LIX1L: variants seen among roughly 807,000 people sequenced by gnomAD.
The protein encoded by LIX1L is limb and CNS expressed 1 like.
In LIX1L, 20 loss-of-function variants were observed where a neutral mutation model predicts 34.0. The ratio of observed to expected loss-of-function variants is 0.59; its 90% CI spans 0.41 to 0.85. The LOEUF (loss-of-function observed/expected upper bound fraction) is 0.85, where lower values mean the gene tolerates loss of function less well. Ranked by LOEUF, LIX1L falls within the 40% of genes least tolerant of loss-of-function variation. The probability of loss-of-function intolerance (pLI) is 0.00; values close to 1 mark genes in which losing one functional copy is unlikely to be tolerated. For synonymous variants in LIX1L, 170 were observed against 187.4 expected, an observed-to-expected ratio of 0.91 and a Z score of 0.76; for missense variants, 397 against 447.0, an observed-to-expected ratio of 0.89 and a Z score of 1.01.
intron 1 of LIX1L, 29 bp downstream of exon 1, chr1:145,957,607 C>A: frequency 2.0e-6 from 3 of 1,478,632 alleles, no homozygotes; most frequent in East Asian, 2.7e-5. Context: ...CAGAGGGTGT[C>A]GCGCAGGAGG....
rs782259053 is a variant in LIX1L, at chr1:145,936,305, G to C, written c.*5C>G. The C allele has an allele frequency of 6.2e-7, 1 of 1,613,682 alleles. No homozygotes were observed. Among genetic ancestry groups the C allele is most frequent in the African/African-American group, 1.3e-5 (1 of 75,030 alleles). On this transcript the variant is annotated 3_prime_UTR_variant, in exon 6 of 6. Coordinates refer to ENST00000604000, the MANE Select transcript of LIX1L (RefSeq NM_153713.3). ...GAAAGCCTGGGGAGTTATGTGGGTG[G>C]ATGCCTAGCAGTTGGAAGAATGCAT...
intron 3 of LIX1L, among the ~76,000 whole-genome samples, chr1:145,938,117 G>T (rs1367370857): frequency 6.8e-6 from 1 of 146,606 alleles, no homozygotes; most frequent in African/African-American, 2.6e-5. Flanking sequence ...GTGAGACTCT[G>T]TCTCAGAAAA....
Position 145,935,856 on chromosome 1 carries a change from G to A in LIX1L, c.*454C>T, listed in dbSNP as rs587739858. The A allele has an allele frequency of 1.2e-5, 2 of 166,654 alleles. No homozygotes were observed. Among genetic ancestry groups the A allele is most frequent in the South Asian group, 3.2e-4 (2 of 6,232 alleles). The allele number at this position is 166,654 out of a possible 1,614,324, so 10.3% of individuals were successfully genotyped here. A position where few individuals can be genotyped will look rare whatever the true frequency, so the allele number is the denominator to read the frequency against. On this transcript the variant is annotated 3_prime_UTR_variant, in exon 6 of 6. Transcript: ENST00000604000. ...GTGGGGAGGAAAGGGATAGCAAGCA[G>A]GTTCAGTTCAGGAACTAAAGGCAAA...
At position 145,934,528 on chromosome 1, in the gene LIX1L, A is replaced by G. The variant is rs781941523; in HGVS notation, c.*1782T>C. 2 of 132,780 alleles carry G rather than the reference A, an allele frequency of 1.5e-5. No homozygotes were observed. Among genetic ancestry groups the G allele is most frequent in the Admixed American group, 7.8e-5 (1 of 12,800 alleles). The allele number at this position is 132,780 out of a possible 1,614,324, so 8.2% of individuals were successfully genotyped here. On this transcript the variant is annotated 3_prime_UTR_variant, in exon 6 of 6. Coordinates refer to ENST00000604000, the MANE Select transcript of LIX1L (RefSeq NM_153713.3). ...GGCGGAGCTTGCAGTGAGCCGAGAT[A>G]GCGCCACTGCACTCCAGCCTGGGCG...
chr1:145,936,670 G>A (rs1478364261), intron 5 of LIX1L, 118 bp from the exon 6 acceptor site: 3 of 1,241,804 alleles, frequency 2.4e-6, no homozygotes, highest in Non-Finnish European at 3.4e-6. Context: ...CAGCACCTAA[G>A]TTCTTCAAGG....
intron 3 of LIX1L, chr1:145,941,124 G>C (rs1049008141): frequency 6.6e-6 from 1 of 152,044 alleles, no homozygotes; most frequent in African/African-American, 2.4e-5. Context: ...GCTGTTGACT[G>C]GGGCAAAGAA....
At chr1:145,937,170 A>AC (rs1559237541) in intron 4 of LIX1L, among the ~76,000 whole-genome samples, 185 bp from the exon 5 acceptor site, 37 of 139,408 alleles carry the variant, frequency 2.7e-4, no homozygotes, top group South Asian at 1.6e-3. Flanking sequence ...TTATTTATTT[A>AC]TTTACTTACT....
At chr1:145,939,665 G>T (rs1648818917) in intron 3 of LIX1L, among the ~76,000 whole-genome samples, 1 of 146,428 alleles carries the variant, frequency 6.8e-6, no homozygotes, top group African/African-American at 2.5e-5. Context: ...TTGAGACAGG[G>T]TCTCACTTTG....
At chr1:145,946,937 C>CT (rs1553759326) in intron 2 of LIX1L, among the ~76,000 whole-genome samples, 5 of 152,190 alleles carry the variant, frequency 3.3e-5, no homozygotes, top group Non-Finnish European at 7.3e-5. Flanking sequence ...TGTAAAAAAT[C>CT]CATCTTTGAT....
intron 3 of LIX1L, among the ~76,000 whole-genome samples, chr1:145,940,466 C>T (rs587754967): frequency 6.6e-5 from 10 of 151,498 alleles, no homozygotes; most frequent in African/African-American, 2.4e-4. Flanking sequence ...CATTCTTCAG[C>T]CTCCTGAGTA....
intron 2 of LIX1L, among the ~76,000 whole-genome samples, chr1:145,943,463 C>G (rs1319292046): frequency 2.0e-5 from 3 of 152,038 alleles, no homozygotes; most frequent in African/African-American, 7.2e-5. Context: ...TTCTTTTTTC[C>G]CCACAGTGGA....
Position 145,936,114 on chromosome 1 carries a change from A to G in LIX1L, c.*196T>C. The G allele has an allele frequency of 1.6e-6, 1 of 626,728 alleles. No individual in the cohort carries two copies. Among genetic ancestry groups the G allele is most frequent in the Non-Finnish European group, 2.6e-6 (1 of 378,962 alleles). The allele number at this position is 626,728 out of a possible 1,614,324, so 38.8% of individuals were successfully genotyped here. On this transcript the variant is annotated 3_prime_UTR_variant, in exon 6 of 6. Coordinates refer to ENST00000604000, the MANE Select transcript of LIX1L (RefSeq NM_153713.3). ...TGTAAAGTGGACTGAAGATGTTTCA[A>G]ATAAAACTACATCCAAAAACTGGTA...
chr1:145,952,326 G>A (rs979520376), intron 1 of LIX1L, among the ~76,000 whole-genome samples: 3 of 152,116 alleles, frequency 2.0e-5, no homozygotes, highest in African/African-American at 7.2e-5. Flanking sequence ...CCCAAATTTT[G>A]TATCATATTT....
chr1:145,936,990 G>T lies in LIX1L; in HGVS notation c.694-5C>A. 2 of 1,604,450 alleles carry T rather than the reference G, an allele frequency of 1.2e-6. No homozygotes were observed. Among genetic ancestry groups the T allele is most frequent in the Non-Finnish European group, 1.7e-6 (2 of 1,171,244 alleles). On this transcript the variant is annotated splice_polypyrimidine_tract_variant and splice_region_variant and intron_variant, in intron 4 of 5. Coordinates refer to ENST00000604000, the MANE Select transcript of LIX1L (RefSeq NM_153713.3). ...TTGAAAAACTGTCATTAGCTCCTGG[G>T]GGAAGAGGATAGGAAGTACCAGGAC...
chr1:145,955,893 G>A (rs189499063), intron 1 of LIX1L, among the ~76,000 whole-genome samples: 8 of 152,238 alleles, frequency 5.3e-5, no homozygotes, highest in Non-Finnish European at 1.5e-5. Context: ...GTCCAGTTTG[G>A]GAGCCAAAGC....
intron 1 of LIX1L, among the ~76,000 whole-genome samples, chr1:145,957,180 G>A (rs1553760453): frequency 2.0e-5 from 3 of 152,196 alleles, no homozygotes; most frequent in African/African-American, 4.8e-5. Context: ...GAATTTAACA[G>A]TCAAGGTTAA....
chr1:145,936,984 T>G lies in LIX1L; in HGVS notation c.695A>C (p.Glu232Ala). 6.2e-7 allele frequency: 1 copy of G among 1,609,228 alleles called. No homozygotes were observed. Among genetic ancestry groups the G allele is most frequent in the Non-Finnish European group, 8.5e-7 (1 of 1,175,632 alleles). The change falls in exon 5 of 6, where the codon GAG becomes GCG. Residue 232 changes from glutamate (E) to alanine (A), a missense_variant and splice_region_variant. Physicochemically the swap from Glu to Ala is moderately radical, Grantham distance 107. Coordinates refer to ENST00000604000, the MANE Select transcript of LIX1L (RefSeq NM_153713.3). ...TAGCAGTTGAAAAACTGTCATTAGC[T>G]CCTGGGGGAAGAGGATAGGAAGTAC... ...NKGKSMLEFQ[E>A]LMTVFQLLHW... is the part of the protein sequence containing the mutation.
chr1:145,945,245 G>A (rs1553759098), intron 2 of LIX1L, among the ~76,000 whole-genome samples: 1 of 143,832 alleles, frequency 7.0e-6, no homozygotes, highest in African/African-American at 2.6e-5. Context: ...AGGTTACAGT[G>A]AGTCAAGATC....
At chr1:145,956,996 T>C (rs1019654693) in intron 1 of LIX1L, among the ~76,000 whole-genome samples, 2 of 152,138 alleles carry the variant, frequency 1.3e-5, no homozygotes, top group Non-Finnish European at 2.9e-5. Context: ...TGAGTCTCCA[T>C]ACTAAAAAAG....
Sources: gnomAD v4.1 joint callset for allele counts (sites outside exome capture counted in the v4.1 genomes callset) on GRCh38, gnomAD v4.1.1 for gene constraint, MANE v1.5 for transcripts, NCBI Gene and HGNC (gene_info 2026-07-23, HGNC 2026-07-21) for gene names.